The following ROBO2 variants were observed in gnomAD, a reference collection of about 807,000 sequenced individuals.
ROBO2 encodes the protein roundabout homolog 2.
Under a neutral mutation model 160.8 loss-of-function variants are expected in ROBO2, and 53 were observed. The observed-to-expected ratio is 0.33, with a 90% CI of 0.26 to 0.41. ROBO2 has a LOEUF of 0.41. Among genes scored for constraint, ROBO2 ranks in the 10% least tolerant of loss-of-function variants. The pLI is 1.00. For missense variants in ROBO2, 1,577 were observed against 1,722.4 expected, an observed-to-expected ratio of 0.92 and a Z score of 1.49; for synonymous variants, 664 against 611.7, an observed-to-expected ratio of 1.09 and a Z score of -1.26.
At chr3:76,087,735 T>C (rs1248476876) in intron 2 of ROBO2, among the ~76,000 whole-genome samples, 4 of 151,920 alleles carry the variant, frequency 2.6e-5, no homozygotes, top group African/African-American at 9.7e-5. Flanking sequence ...ATAAAATGAG[T>C]GACACTAATG....
intron 2 of ROBO2, among the ~76,000 whole-genome samples, chr3:76,232,114 G>T (rs989342370): frequency 1.3e-5 from 2 of 152,106 alleles, no homozygotes; most frequent in African/African-American, 4.8e-5. Context: ...TAGCATGAGT[G>T]ATCAGCTACA....
intron 2 of ROBO2, among the ~76,000 whole-genome samples, chr3:76,239,281 C>G (rs149874875): frequency 6.6e-6 from 1 of 151,620 alleles, no homozygotes; most frequent in Non-Finnish European, 1.5e-5. Context: ...CTAAATAATC[C>G]TATTTAATAG....
intron 2 of ROBO2, among the ~76,000 whole-genome samples, chr3:76,744,242 C>T (rs2093847899): frequency 6.6e-6 from 1 of 152,086 alleles, no homozygotes; most frequent in Non-Finnish European, 1.5e-5. Flanking sequence ...AGTTCAAGAC[C>T]AAGGTATCAT....
chr3:76,805,401 C>T (rs377562527), intron 2 of ROBO2, among the ~76,000 whole-genome samples: 1 of 151,812 alleles, frequency 6.6e-6, no homozygotes, highest in Non-Finnish European at 1.5e-5. Flanking sequence ...TATCCTGCCA[C>T]CAAAACATCT....
intron 4 of ROBO2, among the ~76,000 whole-genome samples, chr3:77,488,356 A>G (rs930471926): frequency 6.6e-6 from 1 of 152,232 alleles, no homozygotes; most frequent in Non-Finnish European, 1.5e-5. Context: ...CAGCCCATTC[A>G]GAGAGGCTCT....
chr3:76,798,702 G>A (rs1415722610), intron 2 of ROBO2, among the ~76,000 whole-genome samples: 3 of 152,106 alleles, frequency 2.0e-5, no homozygotes, highest in Non-Finnish European at 4.4e-5. Flanking sequence ...CACCAGCCTG[G>A]GCAGCAAGGC....
chr3:77,239,986 G>A (rs2088739099), intron 2 of ROBO2, among the ~76,000 whole-genome samples: 1 of 152,182 alleles, frequency 6.6e-6, no homozygotes, highest in Admixed American at 6.5e-5. Flanking sequence ...AGAGATAAAA[G>A]TTCTCCAAGT....
intron 2 of ROBO2, among the ~76,000 whole-genome samples, chr3:76,693,992 TA>T (rs971085719): frequency 7.2e-5 from 11 of 152,288 alleles, no homozygotes; most frequent in Middle Eastern, 3.4e-3. Flanking sequence ...CACCTAAAAC[TA>T]ACCATCACAA....
chr3:76,859,619 C>T (rs776676075), intron 2 of ROBO2, among the ~76,000 whole-genome samples: 4 of 152,168 alleles, frequency 2.6e-5, no homozygotes, highest in Non-Finnish European at 4.4e-5. Flanking sequence ...GCCCCACCAT[C>T]GGGGACCCTG....
intron 2 of ROBO2, among the ~76,000 whole-genome samples, chr3:77,196,151 C>A (rs557361563): frequency 8.1e-4 from 123 of 152,248 alleles, no homozygotes; most frequent in African/African-American, 2.8e-3. Flanking sequence ...AATAGGGGAG[C>A]CCCAGACAGG....
At chr3:76,589,370 G>T (rs2086264961) in intron 2 of ROBO2, among the ~76,000 whole-genome samples, 1 of 152,068 alleles carries the variant, frequency 6.6e-6, no homozygotes, top group African/African-American at 2.4e-5. Flanking sequence ...CGCCATCTCG[G>T]CTCACTGCAA....
At chr3:76,175,606 A>G (rs2073201460) in intron 2 of ROBO2, among the ~76,000 whole-genome samples, 1 of 152,114 alleles carries the variant, frequency 6.6e-6, no homozygotes, top group South Asian at 2.1e-4. Flanking sequence ...GTCTGTAACA[A>G]GGTTACCAGA....
chr3:77,541,792 T>C (rs2092472978), intron 6 of ROBO2, among the ~76,000 whole-genome samples: 1 of 152,232 alleles, frequency 6.6e-6, no homozygotes, highest in South Asian at 2.1e-4. Context: ...TTAGACAGAA[T>C]ATAAGTATAT....
intron 2 of ROBO2, chr3:76,433,936 A>G (rs1386000235): frequency 3.0e-6 from 2 of 673,360 alleles, no homozygotes; most frequent in Admixed American, 4.9e-5. Flanking sequence ...TTATTTATCC[A>G]TCTTGGGATT....
intron 2 of ROBO2, among the ~76,000 whole-genome samples, chr3:77,424,651 TTTC>T (rs1168584992): frequency 3.9e-5 from 6 of 152,180 alleles, no homozygotes; most frequent in African/African-American, 1.4e-4. Context: ...TAAAGGTTCT[TTTC>T]TTTTTTTTGT....
At chr3:75,941,243 G>T (rs370022434) in intron 2 of ROBO2, among the ~76,000 whole-genome samples, 1 of 152,016 alleles carries the variant, frequency 6.6e-6, no homozygotes. Context: ...GGCATGAGCC[G>T]TTGCATCTGG....
At chr3:76,696,297 C>T (rs1466281526) in intron 2 of ROBO2, among the ~76,000 whole-genome samples, 6 of 152,160 alleles carry the variant, frequency 3.9e-5, no homozygotes, top group East Asian at 3.9e-4. Flanking sequence ...TCAACAAAGA[C>T]GTAATATTGC....
At chr3:77,235,971 A>G (rs1381083477) in intron 2 of ROBO2, among the ~76,000 whole-genome samples, 1 of 152,188 alleles carries the variant, frequency 6.6e-6, no homozygotes, top group Non-Finnish European at 1.5e-5. Context: ...GTGTTGACCA[A>G]AAGAGTCAAA....
intron 2 of ROBO2, among the ~76,000 whole-genome samples, chr3:76,433,710 T>C (rs1432180387): frequency 6.6e-6 from 1 of 152,212 alleles, no homozygotes; most frequent in Non-Finnish European, 1.5e-5. Context: ...TGTGAGACTG[T>C]TGATGTCCAT....
Sources: allele counts gnomAD v4.1 joint callset (sites outside exome capture counted in the v4.1 genomes callset), GRCh38; gene constraint gnomAD v4.1.1; transcripts MANE v1.5; gene names NCBI Gene and HGNC (gene_info 2026-07-23, HGNC 2026-07-21).